The following MYO9A variants were observed in gnomAD, a reference collection of about 807,000 sequenced individuals.
MYO9A encodes myosin IXA.
Under a neutral mutation model 293.3 loss-of-function variants are expected in MYO9A, and 103 were observed. That is an observed-to-expected ratio of 0.35 (90% CI 0.30 to 0.41). MYO9A has a LOEUF of 0.41. Ranked by LOEUF, MYO9A falls within the 10% of genes least tolerant of loss-of-function variation. MYO9A has a pLI of 1.00. For synonymous variants in MYO9A, 1,001 were observed against 1,035.7 expected (o/e 0.97, Z 0.64); for missense variants, 2,685 against 3,033.0 (o/e 0.89, Z 2.69).
At position 71,963,433 on chromosome 15, in the gene MYO9A, A is replaced by G. The variant is rs958772082; in HGVS notation, c.1987-3337T>C. Reference sequence around the variant, plus strand: ...CCTCTTATATCAAGTGATCAGAACCAGAGTTACGACTTTATTTTATTTTAT... The same window carrying G: ...CCTCTTATATCAAGTGATCAGAACCGGAGTTACGACTTTATTTTATTTTAT... On this transcript the variant is annotated intron_variant, in intron 13 of 41. Coordinates refer to ENST00000356056, the MANE Select transcript of MYO9A (RefSeq NM_006901.4). 3.8e-4 allele frequency among the ~76,000 whole-genome samples: 58 copies of G among 151,228 alleles called. 2 individuals carry two copies. Among genetic ancestry groups the G allele is most frequent in the Admixed American group, 3.0e-3 (46 of 15,194 alleles).
Position 71,978,929 on chromosome 15 carries a change from A to G in MYO9A, c.1723-637T>C, listed in dbSNP as rs149386317. ...ATATATTCTTCTATTCATCCTTGTGATACTTTCACTTTTTAGATGGTTTTT... is the reference window on the plus strand; with the variant it reads ...ATATATTCTTCTATTCATCCTTGTGGTACTTTCACTTTTTAGATGGTTTTT... On this transcript the variant is annotated intron_variant, in intron 11 of 41. Transcript: ENST00000356056. Among the ~76,000 whole-genome samples, 506 of 152,080 alleles carry G rather than the reference A, an allele frequency of 3.3e-3. 1 individual carries two copies. Among genetic ancestry groups the G allele is most frequent in the Non-Finnish European group, 5.9e-3 (402 of 67,996 alleles).
chr15:72,031,140 TC>T (rs2077855274), intron 3 of MYO9A, among the ~76,000 whole-genome samples: 1 of 152,004 alleles, frequency 6.6e-6, no homozygotes, highest in Admixed American at 6.6e-5. Flanking sequence ...CATTCCTCCA[TC>T]CCCCAGTCTG....
intron 1 of MYO9A, among the ~76,000 whole-genome samples, chr15:72,048,097 TA>T (rs1004687593): frequency 6.6e-6 from 1 of 151,500 alleles, no homozygotes. Flanking sequence ...ACAAAACATA[TA>T]AAAAAAACCC....
intron 7 of MYO9A, among the ~76,000 whole-genome samples, chr15:72,009,552 A>G (rs184295586): frequency 6.1e-4 from 93 of 152,046 alleles, no homozygotes; most frequent in African/African-American, 2.2e-3. Context: ...TGGCAAAAAA[A>G]AAAAATACAA....
At chr15:71,956,049 C>G (rs1450131915) in intron 14 of MYO9A, among the ~76,000 whole-genome samples, 1 of 150,974 alleles carries the variant, frequency 6.6e-6, no homozygotes, top group South Asian at 2.1e-4. Flanking sequence ...CACCTGTAAT[C>G]CCAGACACTC....
At chr15:71,881,307 T>C (rs1199738459) in intron 28 of MYO9A, among the ~76,000 whole-genome samples, 3 of 152,116 alleles carry the variant, frequency 2.0e-5, no homozygotes, top group Admixed American at 1.3e-4. Context: ...AATGTTTACC[T>C]CCTCTCATTT....
At chr15:72,112,239 C>A (rs1244268228) in intron 1 of MYO9A, among the ~76,000 whole-genome samples, 3 of 152,008 alleles carry the variant, frequency 2.0e-5, no homozygotes, top group Non-Finnish European at 4.4e-5. Context: ...AAAAAAAACA[C>A]ACACAATTTT....
Sources: allele counts gnomAD v4.1 joint callset (sites outside exome capture counted in the v4.1 genomes callset), GRCh38; gene constraint gnomAD v4.1.1; transcripts MANE v1.5; gene names NCBI Gene and HGNC (gene_info 2026-07-23, HGNC 2026-07-21).